SLC4A7: variants seen among roughly 807,000 people sequenced by gnomAD.
SLC4A7 encodes the protein sodium bicarbonate cotransporter 3.
Under a neutral mutation model 137.6 loss-of-function variants are expected in SLC4A7, and 51 were observed. The observed-to-expected ratio is 0.37, with a 90% CI of 0.30 to 0.47. SLC4A7 has a LOEUF of 0.47. Ranked by LOEUF, SLC4A7 falls within the 20% of genes least tolerant of loss-of-function variation. The pLI, the probability that SLC4A7 is intolerant of heterozygous loss-of-function variation, is 1.00. For synonymous variants in SLC4A7, 542 were observed against 518.6 expected, an observed-to-expected ratio of 1.05 and a Z score of -0.61; for missense variants, 1,247 against 1,525.4, an observed-to-expected ratio of 0.82 and a Z score of 3.04.
chr3:27,383,032 C>A, intron 24 of SLC4A7, 121 bp downstream of exon 24: 1 of 662,872 alleles, frequency 1.5e-6, no homozygotes, highest in Non-Finnish European at 2.6e-6. Flanking sequence ...AGTTGATACA[C>A]CATATGCAGA....
chr3:27,404,961 ACT>A lies in SLC4A7; in HGVS notation c.1942_1943del (p.Ser648CysfsTer36). 6.3e-7 allele frequency: 1 copy of A among 1,581,100 alleles called. No homozygotes were observed. The highest frequency in any genetic ancestry group is 2.0e-5 in the Admixed American group (1 of 50,120). Reference sequence around the variant, plus strand: ...ATGCTCCAAAAAGAGACTCTATTGCACTCTGTTTAAGGAAAAAAGAAATGAAT... The same window carrying A: ...ATGCTCCAAAAAGAGACTCTATTGCACTGTTTAAGGAAAAAAGAAATGAAT... ...LLGEATEGRI[S>X]AIESLFGASL... On this transcript the variant is annotated frameshift_variant and splice_region_variant, in exon 14 of 26. Transcript: ENST00000454389. LOFTEE classifies it high-confidence loss of function.
chr3:27,480,057 A>T (rs559996963), intron 1 of SLC4A7, among the ~76,000 whole-genome samples: 2 of 151,894 alleles, frequency 1.3e-5, no homozygotes, highest in East Asian at 1.9e-4. Context: ...ATCCCACTAA[A>T]ATAATACACC....
chr3:27,478,695 C>A (rs988710689), intron 1 of SLC4A7, among the ~76,000 whole-genome samples: 2 of 151,574 alleles, frequency 1.3e-5, no homozygotes, highest in African/African-American at 2.4e-5. Flanking sequence ...CTGCTTAAAA[C>A]CGCCAAACTA....
rs537901583 is a variant in SLC4A7 at position 27,470,732 on chromosome 3, G to A, written c.60+13335C>T. Reference sequence around the variant, plus strand: ...CCGAGGCAGGCGGCTCACAAGGTCAGGAGAATGAGACCATCCTGGCTAACA... The same window carrying A: ...CCGAGGCAGGCGGCTCACAAGGTCAAGAGAATGAGACCATCCTGGCTAACA... On this transcript the variant is annotated intron_variant, in intron 1 of 25. Coordinates refer to ENST00000454389, the MANE Select transcript of SLC4A7 (RefSeq NM_001321103.2). Among the ~76,000 whole-genome samples the A allele has an allele frequency of 6.0e-5, 9 of 151,114 alleles. No individual in the cohort carries two copies. The South Asian group carries it at 1.9e-3, about 32-fold the overall frequency.
At chr3:27,444,577 T>C (rs917639495) in intron 3 of SLC4A7, among the ~76,000 whole-genome samples, 4 of 152,234 alleles carry the variant, frequency 2.6e-5, no homozygotes, top group African/African-American at 4.8e-5. Context: ...TTTCCTGCTG[T>C]AGTAAATCTT....
At chr3:27,393,422 T>C (rs2051796886) in intron 20 of SLC4A7, among the ~76,000 whole-genome samples, 3 of 152,170 alleles carry the variant, frequency 2.0e-5, no homozygotes, top group Admixed American at 2.0e-4. Flanking sequence ...CATTTTGAAA[T>C]ATGCAAGAAC....
intron 7 of SLC4A7, among the ~76,000 whole-genome samples, chr3:27,425,370 TAAAAAAA>T (rs56153970): frequency 8.8e-5 from 5 of 57,002 alleles, no homozygotes; most frequent in African/African-American, 4.2e-4. Flanking sequence ...AACTCCGTCC[TAAAAAAA>T]AAAAAAAAAA....
At chr3:27,380,184 G>A (rs935947750) in intron 24 of SLC4A7, among the ~76,000 whole-genome samples, 1 of 152,028 alleles carries the variant, frequency 6.6e-6, no homozygotes, top group African/African-American at 2.4e-5. Flanking sequence ...GCACTCGGCT[G>A]TAATCCCAGC....
chr3:27,393,525 A>AT (rs1454717543), intron 20 of SLC4A7, among the ~76,000 whole-genome samples: 2 of 152,158 alleles, frequency 1.3e-5, no homozygotes, highest in African/African-American at 2.4e-5. Flanking sequence ...TGCATATACA[A>AT]TTTTTTTACA....
intron 1 of SLC4A7, among the ~76,000 whole-genome samples, chr3:27,474,734 AAAAT>A (rs1398352145): frequency 5.3e-5 from 8 of 152,210 alleles, no homozygotes; most frequent in African/African-American, 1.9e-4. Flanking sequence ...CCTCTGTCTC[AAAAT>A]AAATAAAGGA....
At chr3:27,389,417 C>T (rs1317583705) in intron 22 of SLC4A7, among the ~76,000 whole-genome samples, 1 of 151,794 alleles carries the variant, frequency 6.6e-6, no homozygotes, top group Non-Finnish European at 1.5e-5. Context: ...TTCTCTGTGG[C>T]CATGTACAAA....
intron 1 of SLC4A7, among the ~76,000 whole-genome samples, chr3:27,478,617 G>A (rs1235052913): frequency 7.3e-5 from 11 of 151,428 alleles, no homozygotes; most frequent in African/African-American, 2.2e-4. Context: ...GCTTAAGTAC[G>A]CTCACTAAAA....
rs1343210509 is a variant in SLC4A7, at chr3:27,446,894, GTT to G, written c.289+1755_289+1756del. ...TTTTTTGTTTTTTTTTGTTTTTTTT[GTT>G]TTTTTTAAACAGAGTCTCGCTCTGT... is the stretch of plus-strand genomic sequence containing the variant. On this transcript the variant is annotated intron_variant, in intron 3 of 25. Transcript: ENST00000454389. Among the ~76,000 whole-genome samples the G allele has an allele frequency of 6.4e-4, 28 of 43,436 alleles. 1 individual carries two copies. The highest frequency in any genetic ancestry group is 3.9e-3 in the East Asian group (4 of 1,020). The allele number at this position is 43,436 out of a possible 152,430, so 28.5% of individuals were successfully genotyped here.
chr3:27,393,601 G>T (rs1419326728), intron 20 of SLC4A7, among the ~76,000 whole-genome samples: 1 of 152,140 alleles, frequency 6.6e-6, no homozygotes, highest in African/African-American at 2.4e-5. Flanking sequence ...GAGTAAAATA[G>T]AGTATATTTC....
At chr3:27,439,652 T>A (rs1280230521) in intron 3 of SLC4A7, among the ~76,000 whole-genome samples, 1 of 152,246 alleles carries the variant, frequency 6.6e-6, no homozygotes, top group African/African-American at 2.4e-5. Context: ...GCTACCTACA[T>A]GATCCTGTAT....
At chr3:27,412,504 A>G (rs2220693) in intron 11 of SLC4A7, among the ~76,000 whole-genome samples, 140,768 of 152,214 alleles carry the variant, frequency 0.92, 65,217 homozygotes, top group East Asian at 1. Context: ...AAAAGACTTA[A>G]GCTACCTGGT....
chr3:27,400,665 C>T lies in SLC4A7; in HGVS notation c.2427+99G>A, dbSNP rs17019734. The T allele has an allele frequency of 0.01, 6,848 of 679,688 alleles. 355 individuals are homozygous for T. In the African/African-American group the frequency reaches 0.11, roughly 11 times the overall value. 42.1% of individuals were successfully genotyped at this position (679,688 alleles called of 1,614,324 possible). On this transcript the variant is annotated intron_variant, in intron 16 of 25. Coordinates refer to ENST00000454389, the MANE Select transcript of SLC4A7 (RefSeq NM_001321103.2). ...ACACTACATTCTGAAAACATACTACCGATCCATCAATCAAGAGAAAATGGA... is the reference window on the plus strand; with the variant it reads ...ACACTACATTCTGAAAACATACTACTGATCCATCAATCAAGAGAAAATGGA...
chr3:27,405,944 T>C (rs1317454195), intron 13 of SLC4A7, among the ~76,000 whole-genome samples: 1 of 152,144 alleles, frequency 6.6e-6, no homozygotes, highest in Non-Finnish European at 1.5e-5. Flanking sequence ...GCTATGCCAC[T>C]AGAAAAAGGG....
intron 1 of SLC4A7, among the ~76,000 whole-genome samples, chr3:27,480,396 G>C (rs2059657702): frequency 6.6e-6 from 1 of 152,002 alleles, no homozygotes; most frequent in Admixed American, 6.6e-5. Flanking sequence ...AACACATATG[G>C]GTAATTATGT....
Sources: allele counts gnomAD v4.1 joint callset (sites outside exome capture counted in the v4.1 genomes callset), GRCh38; gene constraint gnomAD v4.1.1; transcripts MANE v1.5; gene names NCBI Gene and HGNC (gene_info 2026-07-23, HGNC 2026-07-21).